Variants in MSC observed in about 807,000 individuals in gnomAD.
MSC encodes the protein musculin, also known as activated B-cell factor 1, homolog of mouse musculin.
In MSC, 16 loss-of-function variants were observed where a neutral mutation model predicts 14.4. The observed-to-expected ratio is 1.11, with a 90% CI of 0.75 to 1.69. MSC has a LOEUF of 1.69. Among genes scored for constraint, MSC ranks in the 40% most tolerant of loss-of-function variants. The pLI, the probability that MSC is intolerant of heterozygous loss-of-function variation, is 0.00. For synonymous variants in MSC, 165 were observed against 128.5 expected, an observed-to-expected ratio of 1.28 and a Z score of -1.92; for missense variants, 320 against 288.1, an observed-to-expected ratio of 1.11 and a Z score of -0.80.
chr8:71,841,938 G>C lies in MSC; in HGVS notation c.*723C>G, dbSNP rs911496467. 1.3e-5 allele frequency: 2 copies of C among 152,760 alleles called. No individual in the cohort carries two copies. The highest frequency in any genetic ancestry group is 4.8e-5 in the African/African-American group (2 of 41,478). The allele number at this position is 152,760 out of a possible 1,614,324, so 9.5% of individuals were successfully genotyped here. A position where few individuals can be genotyped will look rare whatever the true frequency, so the allele number is the denominator to read the frequency against. ...GGAGAGGGTTGACAGACGCCTGCCT[G>C]ATTAGAAAAAGCCGGGAGCTTGGGA... On this transcript the variant is annotated 3_prime_UTR_variant, in exon 2 of 2. Transcript: ENST00000325509.
chr8:71,843,721 G>C lies in MSC; in HGVS notation c.458C>G (p.Ser153Cys), dbSNP rs756815025. The C allele has an allele frequency of 6.2e-7, 1 of 1,614,224 alleles. No individual in the cohort carries two copies. The highest frequency in any genetic ancestry group is 8.5e-7 in the Non-Finnish European group (1 of 1,180,044). ...CTGCCGCAGGTGAGCGATGTAACTG[G>C]AAGCCAGCCGGAGCGTGTCCAGCTT... is the stretch of plus-strand genomic sequence containing the variant. ...LSKLDTLRLA[S>C]SYIAHLRQLL... Residue 153 changes from serine (S) to cysteine (C), a missense_variant, in exon 1 of 2, where the codon TCC becomes TGC. Transcript: ENST00000325509.
At position 71,843,340 on chromosome 8, in the gene MSC, C is replaced by G; in HGVS notation, c.534+305G>C. On this transcript the variant is annotated intron_variant, in intron 1 of 1. Transcript: ENST00000325509. ...TGGGCAAGGGAGATTTGCCGTCAGT[C>G]TGCAACCTGGTGGCAGATGGAGATG... The G allele has an allele frequency of 6.1e-6, 3 of 493,212 alleles. No homozygotes were observed. The South Asian group carries it at 6.1e-5, about 10-fold the overall frequency. 30.6% of individuals were successfully genotyped at this position (493,212 alleles called of 1,614,324 possible). A position where few individuals can be genotyped will look rare whatever the true frequency, so the allele number is the denominator to read the frequency against.
rs879756387 is a variant in MSC, at chr8:71,843,038, ACACACACACACG to A, written c.535-303_535-292del. On this transcript the variant is annotated intron_variant, in intron 1 of 1. Transcript: ENST00000325509. ...CGTTTAGTTCCCTTCCCCAACACACACACACACACACGCACACACACACACACACACACACAC... is the reference window on the plus strand; with the variant it reads ...CGTTTAGTTCCCTTCCCCAACACACACACACACACACACACACACACACAC... 2.9e-3 allele frequency: 898 copies of A among 310,028 alleles called. 13 individuals carry two copies. The highest frequency in any genetic ancestry group is 0.016 in the African/African-American group (378 of 23,414). 19.2% of individuals were successfully genotyped at this position (310,028 alleles called of 1,614,324 possible).
Position 71,844,279 on chromosome 8 carries a change from G to C in MSC, c.-101C>G. On this transcript the variant is annotated 5_prime_UTR_variant, in exon 1 of 2. Transcript: ENST00000325509. ...CTGGCGGAGGCGGAGGCCAGAGAGC[G>C]CTCCAAGGAAGACTAAAAACCCAGG... is the stretch of plus-strand genomic sequence containing the variant. 6.5e-7 allele frequency: 1 copy of C among 1,537,444 alleles called. No individual in the cohort carries two copies. Among genetic ancestry groups the C allele is most frequent in the Non-Finnish European group, 8.8e-7 (1 of 1,130,118 alleles).
intron 1 of MSC, chr8:71,843,066 A>ACACACACACACACACACACC: frequency 2.8e-6 from 1 of 362,572 alleles, no homozygotes; most frequent in Non-Finnish European, 5.3e-6. Flanking sequence ...ACACACACAC[A>ACACACACACACACACACACC]CACACACACA....
At chr8:71,842,806 G>A (rs1585712959) in intron 1 of MSC, 59 bp from the exon 2 acceptor site, 1 of 1,434,526 alleles carries the variant, frequency 7.0e-7, no homozygotes, top group South Asian at 1.1e-5. Flanking sequence ...AACCGAAACA[G>A]CTCTCCTACG....
Position 71,844,128 on chromosome 8 carries a change from C to T in MSC, c.51G>A (p.Leu17=). 6.5e-7 allele frequency: 1 copy of T among 1,526,874 alleles called. No homozygotes were observed. The highest frequency in any genetic ancestry group is 8.8e-7 in the Non-Finnish European group (1 of 1,138,238). 94.6% of individuals were successfully genotyped at this position (1,526,874 alleles called of 1,614,324 possible). ...SDPEEMELRG[L]QREYPVPASK... is the part of the protein sequence containing the mutation. ...AGGCGGGGACCGGGTACTCCCGCTG[C>T]AGCCCCCGAAGCTCCATCTCCTCCG... Residue 17 remains leucine, a synonymous_variant, in exon 1 of 2, where the codon CTG becomes CTA. Coordinates refer to ENST00000325509, the MANE Select transcript of MSC (RefSeq NM_005098.4).
At position 71,843,939 on chromosome 8, in the gene MSC, GC is replaced by G. The variant is rs1807449832; in HGVS notation, c.239del (p.Gly80AlafsTer44). On this transcript the variant is annotated frameshift_variant, in exon 1 of 2. Coordinates refer to ENST00000325509, the MANE Select transcript of MSC (RefSeq NM_005098.4). LOFTEE classifies it high-confidence loss of function. ...CKRKRPRVAG[G>X]GGAGGSAGGG... Reference sequence around the variant, plus strand: ...CGCCCGCGCTACCACCTGCGCCGCCGCCCCCAGCCACACGGGGCCGCTTCCT... The same window carrying G: ...CGCCCGCGCTACCACCTGCGCCGCCGCCCCAGCCACACGGGGCCGCTTCCT... 6.4e-7 allele frequency: 1 copy of G among 1,563,084 alleles called. No individual in the cohort carries two copies. Among genetic ancestry groups the G allele is most frequent in the Non-Finnish European group, 8.6e-7 (1 of 1,156,396 alleles).
At chr8:71,843,251 C>T (rs896083152) in intron 1 of MSC, 4 of 367,424 alleles carry the variant, frequency 1.1e-5, no homozygotes, top group African/African-American at 4.2e-5. Flanking sequence ...TTATAGAGCT[C>T]GGCCTTCCCT....
chr8:71,843,565 G>A (rs948365084), intron 1 of MSC, 80 bp downstream of exon 1: 1 of 1,593,072 alleles, frequency 6.3e-7, no homozygotes, highest in African/African-American at 1.3e-5. Context: ...CTTCCCAACG[G>A]GCTGACCCTG....
At position 71,844,233 on chromosome 8, in the gene MSC, G is replaced by T. The variant is rs768280415; in HGVS notation, c.-55C>A. 6 of 1,603,306 alleles carry T rather than the reference G, an allele frequency of 3.7e-6. No individual in the cohort carries two copies. The highest frequency in any genetic ancestry group is 1.1e-5 in the South Asian group (1 of 90,566). ...TCTTTCCTCCCCCCTGGCCAGTCTC[G>T]CTGTCTCCGCCTTCCGCTCCCTGGC... On this transcript the variant is annotated 5_prime_UTR_variant, in exon 1 of 2. Coordinates refer to ENST00000325509, the MANE Select transcript of MSC (RefSeq NM_005098.4).
intron 1 of MSC, chr8:71,843,038 A>C: frequency 3.2e-6 from 1 of 311,000 alleles, no homozygotes; most frequent in Non-Finnish European, 5.8e-6. Flanking sequence ...CCCAACACAC[A>C]CACACACACA....
rs372185110 is a variant in MSC, at chr8:71,843,761, C to A, written c.418G>T (p.Asp140Tyr). 10 of 1,613,958 alleles carry A rather than the reference C, an allele frequency of 6.2e-6. No individual in the cohort carries two copies. The highest frequency in any genetic ancestry group is 7.6e-6 in the Non-Finnish European group (9 of 1,180,048). ...LKTSLPWVPP[D>Y]TKLSKLDTLR... ...GTGTCCAGCTTGGAGAGCTTAGTGT[C>A]GGGGGGCACCCAGGGCAGGCTGGTC... Residue 140 changes from aspartate (D) to tyrosine (Y), a missense_variant, in exon 1 of 2, where the codon GAC becomes TAC. Physicochemically the swap from Asp to Tyr is radical, Grantham distance 160 (BLOSUM62 -3). Coordinates refer to ENST00000325509, the MANE Select transcript of MSC (RefSeq NM_005098.4).
chr8:71,843,898 G>C lies in MSC; in HGVS notation c.281C>G (p.Pro94Arg). The change falls in exon 1 of 2, where the codon CCC becomes CGC. Residue 94 changes from proline to arginine, a missense_variant. Coordinates refer to ENST00000325509, the MANE Select transcript of MSC (RefSeq NM_005098.4). ...GGSAGGGGKKPLPAKGSAAEC... is the reference protein window; with the variant it reads ...GGSAGGGGKKRLPAKGSAAEC... ...TGCGGCTGAGCCCTTGGCCGGGAGG[G>C]GCTTCTTGCCACCACCGCCCGCGCT... The C allele has an allele frequency of 6.3e-7, 1 of 1,597,326 alleles. No individual in the cohort carries two copies. The highest frequency in any genetic ancestry group is 8.5e-7 in the Non-Finnish European group (1 of 1,172,742).
In MSC at chr8:71,842,387, C is replaced by A. The variant is rs1464702491; in HGVS notation, c.*274G>T. 1 of 431,794 alleles carries A rather than the reference C, an allele frequency of 2.3e-6. No individual in the cohort carries two copies. Among genetic ancestry groups the A allele is most frequent in the Non-Finnish European group, 4.4e-6 (1 of 229,816 alleles). 26.7% of individuals were successfully genotyped at this position (431,794 alleles called of 1,614,324 possible). A position where few individuals can be genotyped will look rare whatever the true frequency, so the allele number is the denominator to read the frequency against. On this transcript the variant is annotated 3_prime_UTR_variant, in exon 2 of 2. Coordinates refer to ENST00000325509, the MANE Select transcript of MSC (RefSeq NM_005098.4). Reference sequence around the variant, plus strand: ...AGAGTTAGTCTACAGAGCTAGGGCCCGAGGGTGGACCTGCGTCCGCGTCTC... The same window carrying A: ...AGAGTTAGTCTACAGAGCTAGGGCCAGAGGGTGGACCTGCGTCCGCGTCTC...
Position 71,844,343 on chromosome 8 carries a change from G to A in MSC, c.-165C>T. ...GGTGAGAAAGCGAGGTGGGTGGCGA[G>A]AGCGTGAGCGCCCCTCTGCTGACCC... On this transcript the variant is annotated 5_prime_UTR_variant, in exon 1 of 2. Coordinates refer to ENST00000325509, the MANE Select transcript of MSC (RefSeq NM_005098.4). 1.0e-6 allele frequency: 1 copy of A among 986,700 alleles called. No individual in the cohort carries two copies. The highest frequency in any genetic ancestry group is 1.5e-6 in the Non-Finnish European group (1 of 645,976). The allele number at this position is 986,700 out of a possible 1,614,324, so 61.1% of individuals were successfully genotyped here.
chr8:71,843,559 C>T (rs755776835), intron 1 of MSC, 86 bp downstream of exon 1: 7 of 1,582,620 alleles, frequency 4.4e-6, no homozygotes, highest in Non-Finnish European at 6.1e-6. Context: ...CGAATTCTTC[C>T]CAACGGGCTG....
In MSC at chr8:71,843,761, C is replaced by CG. The variant is rs756886519; in HGVS notation, c.417dup (p.Asp140ArgfsTer3). On this transcript the variant is annotated frameshift_variant, in exon 1 of 2. Coordinates refer to ENST00000325509, the MANE Select transcript of MSC (RefSeq NM_005098.4). LOFTEE classifies it high-confidence loss of function. Reference sequence around the variant, plus strand: ...GTGTCCAGCTTGGAGAGCTTAGTGTCGGGGGGCACCCAGGGCAGGCTGGTC... The same window carrying CG: ...GTGTCCAGCTTGGAGAGCTTAGTGTCGGGGGGGCACCCAGGGCAGGCTGGTC... The CG allele has an allele frequency of 1.9e-6, 3 of 1,614,070 alleles. No individual in the cohort carries two copies. Among genetic ancestry groups the CG allele is most frequent in the Non-Finnish European group, 2.5e-6 (3 of 1,180,040 alleles).
At position 71,842,474 on chromosome 8, in the gene MSC, T is replaced by C; in HGVS notation, c.*187A>G. 4.6e-6 allele frequency: 3 copies of C among 658,420 alleles called. No individual in the cohort carries two copies. In the South Asian group the frequency reaches 5.1e-5, roughly 11 times the overall value. The allele number at this position is 658,420 out of a possible 1,614,324, so 40.8% of individuals were successfully genotyped here. A position where few individuals can be genotyped will look rare whatever the true frequency, so the allele number is the denominator to read the frequency against. On this transcript the variant is annotated 3_prime_UTR_variant, in exon 2 of 2. Coordinates refer to ENST00000325509, the MANE Select transcript of MSC (RefSeq NM_005098.4). ...TGGTCGCCCAGATCCGGCGCAGCTG[T>C]AGCCGTGGGCGCTGTGCAGTGACAG...
Sources: gnomAD v4.1 joint callset for allele counts on GRCh38, gnomAD v4.1.1 for gene constraint, MANE v1.5 for transcripts, NCBI Gene and HGNC (gene_info 2026-07-23, HGNC 2026-07-21) for gene names.